The following CMIP variants were observed in gnomAD, a reference collection of about 807,000 sequenced individuals.
The protein encoded by CMIP is c-Maf inducing protein, also known as C-Maf-inducing protein.
Under a neutral mutation model 97.3 loss-of-function variants are expected in CMIP, and 13 were observed. That is an observed-to-expected ratio of 0.13 (90% CI 0.09 to 0.21). CMIP has a LOEUF of 0.21. CMIP is among the 10% of genes least tolerant of loss of function. CMIP has a pLI of 1.00. For synonymous variants in CMIP, 538 were observed against 436.3 expected (o/e 1.23, Z -2.91); for missense variants, 847 against 1,024.9 (o/e 0.83, Z 2.37).
intron 1 of CMIP, among the ~76,000 whole-genome samples, chr16:81,497,119 G>T (rs2150772875): frequency 6.6e-6 from 1 of 152,318 alleles, no homozygotes; most frequent in Non-Finnish European, 1.5e-5. Context: ...AGCTGGTGGT[G>T]CCCATGCAAC....
intron 1 of CMIP, among the ~76,000 whole-genome samples, chr16:81,527,052 G>T (rs2090146138): frequency 2.0e-5 from 3 of 152,240 alleles, no homozygotes; most frequent in Admixed American, 2.0e-4. Flanking sequence ...TGATGGTGCA[G>T]TTCAGACAAC....
intron 1 of CMIP, among the ~76,000 whole-genome samples, chr16:81,503,278 G>C (rs902887718): frequency 6.6e-6 from 1 of 152,208 alleles, no homozygotes; most frequent in African/African-American, 2.4e-5. Flanking sequence ...TGGCTCTGCT[G>C]TGTGACAGCC....
chr16:81,485,640 G>T (rs773072507), intron 1 of CMIP, among the ~76,000 whole-genome samples: 13 of 152,210 alleles, frequency 8.5e-5, no homozygotes, highest in Non-Finnish European at 1.8e-4. Flanking sequence ...TACGCAGCCC[G>T]TGGAAATAAC....
intron 1 of CMIP, among the ~76,000 whole-genome samples, chr16:81,501,646 C>T (rs1398497137): frequency 1.4e-5 from 2 of 148,048 alleles, no homozygotes; most frequent in South Asian, 2.1e-4. Context: ...GTGTCTCGCT[C>T]TGTCGCCCAG....
At chr16:81,474,092 CATGTTCCT>C (rs1040668147) in intron 1 of CMIP, among the ~76,000 whole-genome samples, 9 of 152,104 alleles carry the variant, frequency 5.9e-5, no homozygotes, top group African/African-American at 1.9e-4. Context: ...TGGCTGTGCC[CATGTTCCT>C]GTGTGGCCAC....
chr16:81,642,835 G>C (rs1237029477), intron 3 of CMIP, among the ~76,000 whole-genome samples: 1 of 152,176 alleles, frequency 6.6e-6, no homozygotes, highest in African/African-American at 2.4e-5. Context: ...GGCGGAGTTT[G>C]CAATGAGTTG....
chr16:81,537,824 A>G (rs2090374266), intron 1 of CMIP, among the ~76,000 whole-genome samples: 1 of 152,214 alleles, frequency 6.6e-6, no homozygotes, highest in East Asian at 1.9e-4. Context: ...CTGTGGTATG[A>G]AGTGGCAGCA....
chr16:81,446,178 G>A (rs1299257394), intron 1 of CMIP, among the ~76,000 whole-genome samples: 1 of 151,914 alleles, frequency 6.6e-6, no homozygotes, highest in Non-Finnish European at 1.5e-5. Context: ...GAATATCTCA[G>A]GACCCAGCGG....
At chr16:81,568,264 C>A (rs1438112958) in intron 1 of CMIP, among the ~76,000 whole-genome samples, 2 of 152,036 alleles carry the variant, frequency 1.3e-5, no homozygotes, top group Non-Finnish European at 2.9e-5. Context: ...TTGGCTCTGA[C>A]CTCAGTGCGG....
chr16:81,604,683 G>A (rs534452561), intron 1 of CMIP, among the ~76,000 whole-genome samples: 261 of 152,326 alleles, frequency 1.7e-3, no homozygotes, highest in Non-Finnish European at 2.9e-3. Flanking sequence ...CTGGGCGACA[G>A]AGCAAGACTC....
intron 1 of CMIP, among the ~76,000 whole-genome samples, chr16:81,480,600 T>TCC (rs1908200517): frequency 6.6e-6 from 1 of 152,204 alleles, no homozygotes; most frequent in Admixed American, 6.5e-5. Context: ...TGCTCCAGCC[T>TCC]CCCTCTGTTG....
At chr16:81,500,552 G>T (rs1476704264) in intron 1 of CMIP, among the ~76,000 whole-genome samples, 17 of 147,770 alleles carry the variant, frequency 1.2e-4, no homozygotes. Context: ...GCAGTGGTGC[G>T]ATCTCCGCTC....
chr16:81,603,366 G>A (rs1312756179), intron 1 of CMIP: 6 of 454,312 alleles, frequency 1.3e-5, no homozygotes, highest in Non-Finnish European at 2.6e-5. Flanking sequence ...ACAGGCGTGA[G>A]CCACCGCGCC....
chr16:81,495,021 G>A (rs180720360), intron 1 of CMIP, among the ~76,000 whole-genome samples: 1 of 152,262 alleles, frequency 6.6e-6, no homozygotes, highest in Non-Finnish European at 1.5e-5. Flanking sequence ...ACACAATTCT[G>A]ATGACAAAAC....
chr16:81,556,420 C>T (rs4243207), intron 1 of CMIP, among the ~76,000 whole-genome samples: 141,477 of 152,280 alleles, frequency 0.93, 66,621 homozygotes, highest in East Asian at 1. Flanking sequence ...TGATGGATCA[C>T]ATAGTAACTT....
At chr16:81,687,277 G>T (rs900771814) in intron 10 of CMIP, among the ~76,000 whole-genome samples, 1 of 152,188 alleles carries the variant, frequency 6.6e-6, no homozygotes, top group South Asian at 2.1e-4. Flanking sequence ...GCCCCTCCTG[G>T]GGTGGTCCGA....
chr16:81,530,678 G>A (rs1483509621), intron 1 of CMIP, among the ~76,000 whole-genome samples: 1 of 152,086 alleles, frequency 6.6e-6, no homozygotes, highest in Non-Finnish European at 1.5e-5. Flanking sequence ...GGGTGCCCGC[G>A]TGGCTGCTAC....
intron 5 of CMIP, among the ~76,000 whole-genome samples, chr16:81,658,383 A>G (rs1410582824): frequency 6.6e-6 from 1 of 152,272 alleles, no homozygotes; most frequent in Non-Finnish European, 1.5e-5. Context: ...GGTAAGCACC[A>G]TGCTATGTAT....
At chr16:81,692,022 T>C (rs1364963535) in intron 11 of CMIP, among the ~76,000 whole-genome samples, 182 bp downstream of exon 11, 3 of 152,170 alleles carry the variant, frequency 2.0e-5, no homozygotes, top group Non-Finnish European at 4.4e-5. Flanking sequence ...GAGGCACATC[T>C]TCCCTCAGAA....
Sources: gnomAD v4.1 joint callset for allele counts (sites outside exome capture counted in the v4.1 genomes callset) on GRCh38, gnomAD v4.1.1 for gene constraint, MANE v1.5 for transcripts, NCBI Gene and HGNC (gene_info 2026-07-23, HGNC 2026-07-21) for gene names.